CLEC16A: variants seen among roughly 807,000 people sequenced by gnomAD.
CLEC16A encodes the protein C-type lectin domain containing 16A, also known as protein CLEC16A.
Under a neutral mutation model 109.5 loss-of-function variants are expected in CLEC16A, and 51 were observed. That is an observed-to-expected ratio of 0.47 (90% CI 0.37 to 0.59). The LOEUF (loss-of-function observed/expected upper bound fraction) is 0.59, where lower values mean the gene tolerates loss of function less well. Ranked by LOEUF, CLEC16A falls within the 20% of genes least tolerant of loss-of-function variation. CLEC16A has a pLI of 0.00. For missense variants in CLEC16A, 1,339 were observed against 1,394.0 expected (o/e 0.96, Z 0.63); for synonymous variants, 673 against 564.2 (o/e 1.19, Z -2.73).
intron 19 of CLEC16A, among the ~76,000 whole-genome samples, chr16:11,069,583 T>G (rs1290031941): frequency 2.7e-5 from 4 of 150,860 alleles, no homozygotes; most frequent in Admixed American, 1.3e-4. Context: ...GATCACAGTT[T>G]CGTGCCACCA....
intron 22 of CLEC16A, among the ~76,000 whole-genome samples, chr16:11,145,739 G>T (rs1049016688): frequency 1.3e-5 from 2 of 152,256 alleles, no homozygotes; most frequent in African/African-American, 2.4e-5. Flanking sequence ...CCAAGCCTGG[G>T]CCGGTGGCTT....
At chr16:11,000,634 T>C (rs2044613673) in intron 10 of CLEC16A, among the ~76,000 whole-genome samples, 1 of 152,208 alleles carries the variant, frequency 6.6e-6, no homozygotes, top group African/African-American at 2.4e-5. Flanking sequence ...CGCTCCCATC[T>C]GGGGGCCCTC....
At chr16:11,129,740 C>T (rs1272005714) in intron 22 of CLEC16A, among the ~76,000 whole-genome samples, 5 of 151,390 alleles carry the variant, frequency 3.3e-5, no homozygotes, top group African/African-American at 7.3e-5. Context: ...TGTCCCCTCC[C>T]GCCACTGCAT....
chr16:10,985,428 C>T (rs948389355), intron 10 of CLEC16A, among the ~76,000 whole-genome samples: 3 of 152,018 alleles, frequency 2.0e-5, no homozygotes, highest in African/African-American at 4.8e-5. Flanking sequence ...CGGGAAGCTT[C>T]GCAGAGCCTG....
intron 1 of CLEC16A, among the ~76,000 whole-genome samples, chr16:10,948,138 C>G (rs973153850): frequency 5.3e-5 from 8 of 152,164 alleles, no homozygotes; most frequent in Non-Finnish European, 1.0e-4. Context: ...TGTGATCTGC[C>G]CTCCTTGACC....
At chr16:11,004,100 G>T (rs149114941) in intron 11 of CLEC16A, among the ~76,000 whole-genome samples, 1 of 152,062 alleles carries the variant, frequency 6.6e-6, no homozygotes, top group Non-Finnish European at 1.5e-5. Context: ...TGTGTAGTAC[G>T]TATGTGCTCT....
chr16:10,945,967 C>G (rs961801325), intron 1 of CLEC16A, among the ~76,000 whole-genome samples: 9 of 152,082 alleles, frequency 5.9e-5, no homozygotes, highest in Non-Finnish European at 1.3e-4. Flanking sequence ...TCTCTGCTTA[C>G]TTAAAGAGTG....
At chr16:10,978,990 C>G (rs1036555698) in intron 8 of CLEC16A, among the ~76,000 whole-genome samples, 3 of 152,110 alleles carry the variant, frequency 2.0e-5, no homozygotes, top group African/African-American at 7.2e-5. Context: ...GAACAGGCCT[C>G]CTGGAGGCCT....
chr16:11,174,483 G>T lies in CLEC16A; in HGVS notation c.2807-3852G>T, dbSNP rs778741342. 1.3e-5 allele frequency among the ~76,000 whole-genome samples: 2 copies of T among 152,182 alleles called. No homozygotes were observed. Among genetic ancestry groups the T allele is most frequent in the Non-Finnish European group, 2.9e-5 (2 of 68,028 alleles). Reference sequence around the variant, plus strand: ...CACCTCATGTGAAGACCAGATCCCCGGCCCTTGACCTTCGCGACAGTCCTT... The same window carrying T: ...CACCTCATGTGAAGACCAGATCCCCTGCCCTTGACCTTCGCGACAGTCCTT... On this transcript the variant is annotated intron_variant, in intron 23 of 23. Coordinates refer to ENST00000409790, the MANE Select transcript of CLEC16A (RefSeq NM_015226.3). This position sits in a 1 kb window ranked among gnomAD's most constrained non-coding sequence, Gnocchi z 4.7.
chr16:10,971,200 G>A lies in CLEC16A; in HGVS notation c.568G>A (p.Val190Ile), dbSNP rs753032767. The change falls in exon 5 of 24, where the codon GTA (valine) becomes ATA (isoleucine). Residue 190 changes from valine to isoleucine, a missense_variant. Around this residue, in one of 3 missense-constraint regions of CLEC16A, gnomAD observed 161 missense variants for 267.1 expected, o/e 0.60. Transcript: ENST00000409790. ...NHPESMVRIAVRTITLNVYKV... is the reference protein window; with the variant it reads ...NHPESMVRIAIRTITLNVYKV... ...CCCTGAAAGCATGGTTAGAATTGCT[G>A]TAAGAACCATAACTTTGAATGTCTA... 4 of 1,613,336 alleles carry A rather than the reference G, an allele frequency of 2.5e-6. 1 individual carries two copies. The highest frequency in any genetic ancestry group is 1.1e-5 in the South Asian group (1 of 91,032).
intron 19 of CLEC16A, among the ~76,000 whole-genome samples, chr16:11,107,087 A>T (rs1311511835): frequency 1.3e-5 from 2 of 152,230 alleles, no homozygotes; most frequent in African/African-American, 4.8e-5. Flanking sequence ...CCCGGACATC[A>T]GTGTGGCACC....
chr16:11,036,527 C>T (rs1303702567), intron 13 of CLEC16A, among the ~76,000 whole-genome samples: 1 of 140,348 alleles, frequency 7.1e-6, no homozygotes, highest in Non-Finnish European at 1.6e-5. Flanking sequence ...TCCTTGTGTT[C>T]TTTTGTTCTA....
intron 13 of CLEC16A, among the ~76,000 whole-genome samples, chr16:11,033,427 C>T (rs906633729): frequency 3.3e-5 from 5 of 152,160 alleles, no homozygotes; most frequent in African/African-American, 1.2e-4. Flanking sequence ...CGGAAAAGTT[C>T]AAGTCCGGTG....
chr16:11,038,282 G>T (rs556026162), intron 13 of CLEC16A, among the ~76,000 whole-genome samples: 1 of 152,182 alleles, frequency 6.6e-6, no homozygotes, highest in Non-Finnish European at 1.5e-5. Context: ...GCGTCATCTG[G>T]TACTCAAGGG....
chr16:10,959,205 T>C (rs1486837581), intron 2 of CLEC16A, among the ~76,000 whole-genome samples: 1 of 152,230 alleles, frequency 6.6e-6, no homozygotes, highest in Non-Finnish European at 1.5e-5. Context: ...AGCAAGTTCC[T>C]GAATATAGGT....
intron 22 of CLEC16A, among the ~76,000 whole-genome samples, chr16:11,153,373 C>A (rs1288781709): frequency 6.6e-6 from 1 of 151,790 alleles, no homozygotes; most frequent in East Asian, 1.9e-4. Flanking sequence ...TTTTTATGAC[C>A]CCTGGAGCAC....
Position 11,039,608 on chromosome 16 carries a change from A to C in CLEC16A, c.1538-146A>C. 3 of 1,084,688 alleles carry C rather than the reference A, an allele frequency of 2.8e-6. No individual in the cohort carries two copies. In the South Asian group the frequency reaches 5.6e-5, roughly 20 times the overall value. 67.2% of individuals were successfully genotyped at this position (1,084,688 alleles called of 1,614,324 possible). A position where few individuals can be genotyped will look rare whatever the true frequency, so the allele number is the denominator to read the frequency against. On this transcript the variant is annotated intron_variant, in intron 13 of 23. Transcript: ENST00000409790. Reference sequence around the variant, plus strand: ...AAAATCCTGTCTCTATTAAAAACTAAAAAAAAGAAAAGAAAAAGGAAAAGA... The same window carrying C: ...AAAATCCTGTCTCTATTAAAAACTACAAAAAAGAAAAGAAAAAGGAAAAGA...
chr16:11,033,817 C>T (rs1421840577), intron 13 of CLEC16A, among the ~76,000 whole-genome samples: 3 of 152,180 alleles, frequency 2.0e-5, no homozygotes, highest in African/African-American at 2.4e-5. Flanking sequence ...GACCGGTTGG[C>T]GGAAGGCGCT....
intron 19 of CLEC16A, among the ~76,000 whole-genome samples, chr16:11,069,514 C>T (rs1017830778): frequency 2.6e-5 from 4 of 151,950 alleles, no homozygotes; most frequent in African/African-American, 7.3e-5. Context: ...AGCTCATTGC[C>T]GCCTCCAACT....
Sources: gnomAD v4.1 joint callset for allele counts (sites outside exome capture counted in the v4.1 genomes callset) on GRCh38, gnomAD v4.1.1 for gene constraint, gnomAD v4.1.1 regional missense constraint, Gnocchi (gnomAD v3.1) non-coding constraint, MANE v1.5 for transcripts, NCBI Gene and HGNC (gene_info 2026-07-23, HGNC 2026-07-21) for gene names.